ATP6V0D2: variants seen among roughly 807,000 people sequenced by gnomAD.
The protein encoded by ATP6V0D2 is V-type proton ATPase subunit d 2.
Under a neutral mutation model 40.0 loss-of-function variants are expected in ATP6V0D2, and 40 were observed. The observed-to-expected ratio is 1.00, with a 90% CI of 0.78 to 1.30. The LOEUF (loss-of-function observed/expected upper bound fraction) is 1.30. ATP6V0D2 is among the 50% of genes most tolerant of loss of function. The probability of loss-of-function intolerance (pLI) is 0.00; values close to 1 mark genes in which losing one functional copy is unlikely to be tolerated. For synonymous variants in ATP6V0D2, 179 were observed against 156.3 expected (o/e 1.15, Z -1.08); for missense variants, 470 against 423.1 (o/e 1.11, Z -0.97).
chr8:86,143,308 C>T (rs553730504), intron 5 of ATP6V0D2, among the ~76,000 whole-genome samples: 2 of 152,050 alleles, frequency 1.3e-5, no homozygotes, highest in Admixed American at 1.3e-4. Context: ...CAATCCAGAC[C>T]CCAAGAGAGG....
intron 1 of ATP6V0D2, among the ~76,000 whole-genome samples, chr8:86,104,347 AG>A (rs1360535886): frequency 2.6e-5 from 4 of 152,172 alleles, no homozygotes; most frequent in Non-Finnish European, 5.9e-5. Context: ...GCCAGGAATA[AG>A]TTAAATAAGT....
Position 86,139,631 on chromosome 8 carries a change from A to T in ATP6V0D2, c.477A>T (p.Pro159=). The change falls in exon 3 of 8, where the codon CCA becomes CCT. Residue 159 remains proline, a synonymous_variant. Transcript: ENST00000285393. ...TTAATGCCATTCTGATCGAAACGCC[A>T]TTAGGTAGGAACACTTAGGTAATTT... ...DLFNAILIET[P]LAPFFQDCMS... 6.3e-7 allele frequency: 1 copy of T among 1,591,090 alleles called. No individual in the cohort carries two copies. The highest frequency in any genetic ancestry group is 8.5e-7 in the Non-Finnish European group (1 of 1,170,086).
intron 2 of ATP6V0D2, among the ~76,000 whole-genome samples, chr8:86,138,727 A>G (rs1818929156): frequency 6.6e-6 from 1 of 152,198 alleles, no homozygotes; most frequent in Admixed American, 6.5e-5. Flanking sequence ...AGTTTCAAAT[A>G]TAGTAGTCAG....
At chr8:86,134,004 T>C (rs1185183819) in intron 2 of ATP6V0D2, among the ~76,000 whole-genome samples, 3 of 151,146 alleles carry the variant, frequency 2.0e-5, no homozygotes, top group Non-Finnish European at 4.4e-5. Flanking sequence ...TCCAATGAAA[T>C]CCAGGCCAAG....
At chr8:86,118,245 A>AT (rs956710399) in intron 2 of ATP6V0D2, among the ~76,000 whole-genome samples, 127 of 32,696 alleles carry the variant, frequency 3.9e-3, no homozygotes, top group African/African-American at 7.2e-3. Context: ...ATTTTTTTTT[A>AT]TTTTTTTTAG....
At chr8:86,145,229 AAGAAAGAGAGAGAGAGAGAGAGAGAG>A (rs1166001410) in intron 5 of ATP6V0D2, among the ~76,000 whole-genome samples, 4,618 of 31,022 alleles carry the variant, frequency 0.15, 472 homozygotes, top group African/African-American at 0.21. Context: ...GAAAGAAAGA[AAGAAAGAGAGAGAGAGAGAGAGAGAG>A]AGAAAGAAAG....
chr8:86,145,302 AAAGAAAGAAAAGAAAG>A (rs1819046438), intron 5 of ATP6V0D2, among the ~76,000 whole-genome samples: 5 of 105,102 alleles, frequency 4.8e-5, no homozygotes, highest in South Asian at 7.9e-4. Context: ...AGAAAGAAAG[AAAGAAAGAAAAGAAAG>A]AAGGAAAGAA....
intron 3 of ATP6V0D2, 61 bp downstream of exon 3, chr8:86,139,696 G>A: frequency 6.8e-7 from 1 of 1,472,462 alleles, no homozygotes; most frequent in Non-Finnish European, 9.0e-7. Flanking sequence ...ATTAGAAAAT[G>A]TACTATTTTT....
At chr8:86,122,843 T>A (rs1247147756) in intron 2 of ATP6V0D2, among the ~76,000 whole-genome samples, 2 of 152,216 alleles carry the variant, frequency 1.3e-5, no homozygotes, top group Non-Finnish European at 2.9e-5. Flanking sequence ...TGACATGGCA[T>A]CTCTGATATT....
At position 86,122,127 on chromosome 8, in the gene ATP6V0D2, T is replaced by C. The variant is rs147907306; in HGVS notation, c.302+8247T>C. Among the ~76,000 whole-genome samples the C allele has an allele frequency of 1.1e-3, 160 of 152,298 alleles. 3 individuals carry two copies. Among genetic ancestry groups the C allele is most frequent in the African/African-American group, 3.7e-3 (152 of 41,568 alleles). ...TATTTTTCCTCCTTCCTATTGAACA[T>C]TTTCCATCAGCATTTCAACTTCTCA... On this transcript the variant is annotated intron_variant, in intron 2 of 7. Coordinates refer to ENST00000285393, the MANE Select transcript of ATP6V0D2 (RefSeq NM_152565.1).
chr8:86,136,554 A>T (rs961310618), intron 2 of ATP6V0D2, among the ~76,000 whole-genome samples: 2 of 152,198 alleles, frequency 1.3e-5, no homozygotes, highest in Admixed American at 1.3e-4. Flanking sequence ...AAGAGATAAA[A>T]AGGATTCTAA....
rs762889203 is a variant in ATP6V0D2, at chr8:86,113,735, G to A, written c.157G>A (p.Asp53Asn). ...CCTGAAAATTCATCTCCAGACTACTGATTATGGTAACTTTTTGGCTAATCA... is the reference window on the plus strand; with the variant it reads ...CCTGAAAATTCATCTCCAGACTACTAATTATGGTAACTTTTTGGCTAATCA... The part of the protein sequence containing the change: ...EDLKIHLQTT[D>N]YGNFLANHTN... Residue 53 changes from aspartate (D) to asparagine (N), a missense_variant, in exon 2 of 8, where the codon GAT (aspartate) becomes AAT (asparagine). Asp to Asn is a conservative substitution (Grantham distance 23). Coordinates refer to ENST00000285393, the MANE Select transcript of ATP6V0D2 (RefSeq NM_152565.1). The A allele has an allele frequency of 2.9e-5, 46 of 1,612,010 alleles. No individual in the cohort carries two copies. Among genetic ancestry groups the A allele is most frequent in the Non-Finnish European group, 3.8e-5 (45 of 1,179,014 alleles).
At position 86,100,437 on chromosome 8, in the gene ATP6V0D2, T is replaced by C. The variant is rs147781341; in HGVS notation, c.130+1329T>C. On this transcript the variant is annotated intron_variant, in intron 1 of 7. Transcript: ENST00000285393. ...AAGGCAAAAACGAACCAATGAACCT[T>C]CTAAAGGTGACTTTGCAGTCTCCTC... Among the ~76,000 whole-genome samples the C allele has an allele frequency of 9.4e-4, 143 of 152,244 alleles. 1 individual carries two copies. The highest frequency in any genetic ancestry group is 3.4e-3 in the African/African-American group (141 of 41,542).
chr8:86,102,177 C>A (rs938595485), intron 1 of ATP6V0D2, among the ~76,000 whole-genome samples: 4 of 152,062 alleles, frequency 2.6e-5, no homozygotes, highest in Admixed American at 6.6e-5. Flanking sequence ...GATGTCCACT[C>A]CATTTTGAAA....
At chr8:86,112,725 C>T (rs1257763666) in intron 1 of ATP6V0D2, among the ~76,000 whole-genome samples, 1 of 152,024 alleles carries the variant, frequency 6.6e-6, no homozygotes, top group Non-Finnish European at 1.5e-5. Context: ...CTAGAAAATA[C>T]ATGGTTTGTT....
At chr8:86,145,190 GAAAGAAAA>G (rs1563566008) in intron 5 of ATP6V0D2, among the ~76,000 whole-genome samples, 2 of 12,356 alleles carry the variant, frequency 1.6e-4, no homozygotes, top group Non-Finnish European at 3.4e-4. Flanking sequence ...GAGAAAGAAA[GAAAGAAAA>G]GAAAGAAAGA....
chr8:86,099,149 A>AGGTGT, intron 1 of ATP6V0D2, 41 bp downstream of exon 1: 1 of 1,559,056 alleles, frequency 6.4e-7, no homozygotes, highest in Non-Finnish European at 8.6e-7. Flanking sequence ...GAAAAAAAAA[A>AGGTGT]AAATGAAATG....
At chr8:86,110,498 TG>T (rs1464276043) in intron 1 of ATP6V0D2, among the ~76,000 whole-genome samples, 1 of 152,232 alleles carries the variant, frequency 6.6e-6, no homozygotes, top group Non-Finnish European at 1.5e-5. Flanking sequence ...ATGTAAGGAC[TG>T]ATCAAGGAAG....
chr8:86,110,698 C>T (rs925161158), intron 1 of ATP6V0D2, among the ~76,000 whole-genome samples: 4 of 152,170 alleles, frequency 2.6e-5, no homozygotes, highest in African/African-American at 9.7e-5. Context: ...GCAAGACAAT[C>T]AGTAAACTTC....
Sources: gnomAD v4.1 joint callset for allele counts (sites outside exome capture counted in the v4.1 genomes callset) on GRCh38, gnomAD v4.1.1 for gene constraint, MANE v1.5 for transcripts, NCBI Gene and HGNC (gene_info 2026-07-23, HGNC 2026-07-21) for gene names.